Variants in DNAH9 observed in about 807,000 individuals in gnomAD.
The protein encoded by DNAH9 is DNAH9 variant protein.
In DNAH9, 345 loss-of-function variants were observed where a neutral mutation model predicts 471.6. That is an observed-to-expected ratio of 0.73 (90% CI 0.67 to 0.80). The LOEUF is 0.80. DNAH9 is among the 30% of genes least tolerant of loss of function. DNAH9 has a pLI of 0.00. For synonymous variants in DNAH9, 2,093 were observed against 2,123.6 expected, an observed-to-expected ratio of 0.99 and a Z score of 0.40; for missense variants, 5,407 against 5,609.2, an observed-to-expected ratio of 0.96 and a Z score of 1.15.
intron 67 of DNAH9, among the ~76,000 whole-genome samples, chr17:11,945,923 C>T (rs142344388): frequency 2.2e-4 from 34 of 151,348 alleles, no homozygotes; most frequent in African/African-American, 7.3e-4. Context: ...ATTAGCCGGG[C>T]GTAGTGGTGG....
chr17:11,831,346 GA>G (rs1289334797), intron 48 of DNAH9, among the ~76,000 whole-genome samples: 4 of 152,122 alleles, frequency 2.6e-5, no homozygotes. Context: ...GCAAGAGAGA[GA>G]GGGGAGGGAG....
chr17:11,694,342 C>G lies in DNAH9; in HGVS notation c.4767C>G (p.Ala1589=). Residue 1589 remains alanine (A), a synonymous_variant, in exon 22 of 69, where the codon GCC becomes GCG. Transcript: ENST00000262442. ...TCAGATTGTGCCTGTGTGAGAAGGC[C>G]CTGGCAGAGTACCTCGACACCAAGA... The part of the protein sequence containing the change: ...IQGRLCLCEK[A]LAEYLDTKRL... The G allele has an allele frequency of 1.2e-6, 2 of 1,613,698 alleles. No individual in the cohort carries two copies. Among genetic ancestry groups the G allele is most frequent in the South Asian group, 2.2e-5 (2 of 91,036 alleles).
intron 14 of DNAH9, among the ~76,000 whole-genome samples, chr17:11,663,083 G>A (rs1203722956): frequency 1.3e-5 from 2 of 152,134 alleles, no homozygotes; most frequent in African/African-American, 4.8e-5. Flanking sequence ...GGTCTAAAGA[G>A]GACTTACTCT....
intron 5 of DNAH9, 148 bp downstream of exon 5, chr17:11,617,770 C>G: frequency 1.6e-6 from 1 of 627,532 alleles, no homozygotes; most frequent in South Asian, 1.9e-5. Context: ...GTATTTTACT[C>G]TCAGAAGCCA....
intron 61 of DNAH9, among the ~76,000 whole-genome samples, chr17:11,917,774 C>T (rs1050617098): frequency 2.0e-5 from 3 of 152,274 alleles, no homozygotes; most frequent in South Asian, 2.1e-4. Context: ...GAGGATGGTG[C>T]ATCTGTTCTT....
chr17:11,942,896 C>CTTT (rs71142257), intron 67 of DNAH9, among the ~76,000 whole-genome samples: 30 of 127,908 alleles, frequency 2.3e-4, no homozygotes, highest in African/African-American at 6.2e-4. Flanking sequence ...CTTGTTTTTT[C>CTTT]TTTTTTTTTT....
chr17:11,748,516 A>G (rs1306813448), intron 32 of DNAH9, among the ~76,000 whole-genome samples: 10 of 152,082 alleles, frequency 6.6e-5, no homozygotes, highest in Admixed American at 5.9e-4. Flanking sequence ...CGACTCCCCT[A>G]TTTGATGTTG....
At chr17:11,674,990 A>G (rs1019437737) in intron 17 of DNAH9, among the ~76,000 whole-genome samples, 1 of 150,594 alleles carries the variant, frequency 6.6e-6, no homozygotes, top group African/African-American at 2.4e-5. Flanking sequence ...AATTTTAGTC[A>G]TCAGTTTGTA....
intron 63 of DNAH9, among the ~76,000 whole-genome samples, chr17:11,930,835 G>A (rs1302452552): frequency 6.6e-6 from 1 of 151,484 alleles, no homozygotes; most frequent in Non-Finnish European, 1.5e-5. Flanking sequence ...CCAGGAATCT[G>A]TTTTAATGAA....
At chr17:11,755,709 CA>C (rs1967354969) in intron 33 of DNAH9, among the ~76,000 whole-genome samples, 1 of 151,696 alleles carries the variant, frequency 6.6e-6, no homozygotes, top group Admixed American at 6.6e-5. Context: ...CACACACACA[CA>C]GGGGTGGTGG....
intron 55 of DNAH9, 91 bp from the exon 56 acceptor site, chr17:11,883,495 A>T: frequency 6.8e-7 from 1 of 1,475,976 alleles, no homozygotes; most frequent in Non-Finnish European, 9.2e-7. Context: ...ACTATCTTTA[A>T]GGCAAGGGAC....
intron 56 of DNAH9, among the ~76,000 whole-genome samples, chr17:11,886,238 C>T (rs201207233): frequency 1.3e-5 from 2 of 152,096 alleles, no homozygotes; most frequent in African/African-American, 2.4e-5. Flanking sequence ...GCAGGAGAAT[C>T]GCTTGAACCC....
intron 6 of DNAH9, among the ~76,000 whole-genome samples, chr17:11,624,045 T>C (rs1461455352): frequency 1.3e-5 from 2 of 152,140 alleles, no homozygotes; most frequent in Non-Finnish European, 2.9e-5. Context: ...AGTGGAGTAA[T>C]TGCATTTTCA....
chr17:11,845,978 T>C (rs1230915954), intron 49 of DNAH9, among the ~76,000 whole-genome samples: 126 of 152,010 alleles, frequency 8.3e-4, no homozygotes, highest in African/African-American at 2.8e-3. Context: ...TGGTAGTTTC[T>C]TTTGCTGTGC....
intron 22 of DNAH9, among the ~76,000 whole-genome samples, chr17:11,697,000 C>T (rs774902532): frequency 2.0e-5 from 3 of 152,062 alleles, no homozygotes; most frequent in Non-Finnish European, 4.4e-5. Flanking sequence ...TCCAGAGTAG[C>T]TGGAACTACA....
chr17:11,911,373 T>C (rs868536744), intron 61 of DNAH9, among the ~76,000 whole-genome samples: 1 of 152,246 alleles, frequency 6.6e-6, no homozygotes, highest in Non-Finnish European at 1.5e-5. Flanking sequence ...CTATTATTTA[T>C]ATCACATTGA....
intron 20 of DNAH9, among the ~76,000 whole-genome samples, chr17:11,693,205 G>A (rs973631175): frequency 7.7e-5 from 11 of 142,726 alleles, no homozygotes; most frequent in East Asian, 2.1e-4. Context: ...GAGCCACCGC[G>A]CCCAGCTTAT....
intron 49 of DNAH9, among the ~76,000 whole-genome samples, chr17:11,851,893 A>T (rs1341330498): frequency 6.6e-6 from 1 of 152,214 alleles, no homozygotes; most frequent in Non-Finnish European, 1.5e-5. Context: ...ATCGACCGTG[A>T]TATATCTGGG....
chr17:11,954,071 CA>C (rs1567573945), intron 67 of DNAH9: 1 of 150,998 alleles, frequency 6.6e-6, no homozygotes, highest in Non-Finnish European at 1.5e-5. Flanking sequence ...ATGAAAAAAC[CA>C]AAAAAAGTAA....
Sources: allele counts gnomAD v4.1 joint callset (sites outside exome capture counted in the v4.1 genomes callset), GRCh38; gene constraint gnomAD v4.1.1; transcripts MANE v1.5; gene names NCBI Gene and HGNC (gene_info 2026-07-23, HGNC 2026-07-21).